DCHS2: variants seen among roughly 807,000 people sequenced by gnomAD.
DCHS2 encodes the protein protocadherin-23.
DCHS2 carries 142 observed loss-of-function variants against 182.4 expected under a neutral mutation model. That is an observed-to-expected ratio of 0.78 (90% CI 0.68 to 0.89). DCHS2 has a LOEUF of 0.89. Among genes scored for constraint, DCHS2 ranks in the 40% least tolerant of loss-of-function variants. The pLI is 0.00. For missense variants in DCHS2, 4,319 were observed against 4,198.6 expected (o/e 1.03, Z -0.79); for synonymous variants, 1,740 against 1,663.3 (o/e 1.05, Z -1.12).
intron 6 of DCHS2, 23 bp downstream of exon 6, chr4:154,329,500 C>A: frequency 6.2e-7 from 1 of 1,602,550 alleles, no homozygotes; most frequent in Non-Finnish European, 8.5e-7. Flanking sequence ...ATTACAAATT[C>A]ATTGCAAGGT....
intron 13 of DCHS2, among the ~76,000 whole-genome samples, chr4:154,273,545 A>G (rs1014251218): frequency 1.3e-5 from 2 of 152,102 alleles, no homozygotes; most frequent in East Asian, 3.9e-4. Flanking sequence ...CTCAGAAATC[A>G]CCACTAAATA....
chr4:154,241,551 G>A (rs1420245478), intron 17 of DCHS2, among the ~76,000 whole-genome samples: 2 of 152,132 alleles, frequency 1.3e-5, no homozygotes, highest in Non-Finnish European at 2.9e-5. Flanking sequence ...ATATGGTACA[G>A]CTAGAAAGAA....
At position 154,381,586 on chromosome 4, in the gene DCHS2, G is replaced by A. The variant is rs367696696; in HGVS notation, c.2053-4142C>T. Among the ~76,000 whole-genome samples, 7 of 152,182 alleles carry A rather than the reference G, an allele frequency of 4.6e-5. No homozygotes were observed. The East Asian group carries it at 1.4e-3, about 29-fold the overall frequency. Reference sequence around the variant, plus strand: ...GGAACTGATAAACAACTTCAGTAAAGTTTCAAGATATGAAATCAATATACA... The same window carrying A: ...GGAACTGATAAACAACTTCAGTAAAATTTCAAGATATGAAATCAATATACA... On this transcript the variant is annotated intron_variant, in intron 1 of 19. Coordinates refer to ENST00000357232, the MANE Select transcript of DCHS2 (RefSeq NM_001358235.2).
In DCHS2 at chr4:154,490,320, C is replaced by G; in HGVS notation, c.1036G>C (p.Gly346Arg). Reference sequence around the variant, plus strand: ...GCCGCGTCGCCCAGTGCCCCGCCGCCGCTACCCGCCCCAGGCACTTGCCGG... The same window carrying G: ...GCCGCGTCGCCCAGTGCCCCGCCGCGGCTACCCGCCCCAGGCACTTGCCGG... ...RARQVPGAGS[G>R]GGALGDAAYF... The change falls in exon 1 of 20, where the codon GGC becomes CGC. Residue 346 changes from glycine to arginine, a missense_variant. By Grantham distance (125) the Gly-to-Arg change is moderately radical. Transcript: ENST00000357232. 1.9e-6 allele frequency: 3 copies of G among 1,544,812 alleles called. No homozygotes were observed. Among genetic ancestry groups the G allele is most frequent in the Non-Finnish European group, 2.6e-6 (3 of 1,146,372 alleles).
chr4:154,314,797 T>G (rs1735794149), intron 10 of DCHS2, among the ~76,000 whole-genome samples: 1 of 152,100 alleles, frequency 6.6e-6, no homozygotes, highest in South Asian at 2.1e-4. Flanking sequence ...ATTATTAAGG[T>G]GAACTAACAC....
Position 154,490,923 on chromosome 4 carries a change from T to C in DCHS2, c.433A>G (p.Thr145Ala). 6.4e-7 allele frequency: 1 copy of C among 1,551,122 alleles called. No homozygotes were observed. Among genetic ancestry groups the C allele is most frequent in the East Asian group, 2.4e-5 (1 of 40,892 alleles). The stretch of plus-strand genomic sequence containing the variant: ...ACCTGCACCACAGCGCCCAGCAGCG[T>C]GGCGGCGACGAAGCTGTAGTGGTCC... ...RRDHYSFVAA[T>A]LLGAVVQVEI... The change falls in exon 1 of 20, where the codon ACG (threonine) becomes GCG (alanine). Residue 145 changes from threonine (T) to alanine (A), a missense_variant. By Grantham distance (58) the Thr-to-Ala change is moderately conservative. Coordinates refer to ENST00000357232, the MANE Select transcript of DCHS2 (RefSeq NM_001358235.2).
rs1038293144 is a variant in DCHS2, at chr4:154,236,302, T to C, written c.8350A>G (p.Ile2784Val). 1.2e-6 allele frequency: 2 copies of C among 1,613,854 alleles called. No homozygotes were observed. Among genetic ancestry groups the C allele is most frequent in the Non-Finnish European group, 1.7e-6 (2 of 1,179,952 alleles). The change falls in exon 20 of 20, where the codon ATT becomes GTT. Residue 2784 changes from isoleucine (I) to valine (V), a missense_variant. Physicochemically the swap from Ile to Val is conservative, Grantham distance 29. Transcript: ENST00000357232. ...TTTATAGAGCATATGGTAGAGGAAA[T>C]AGGCAGATTTTCTGGAACAATACAG... Reference protein sequence around the residue: ...FSCIVPENLPISSTICSINAL... With the variant: ...FSCIVPENLPVSSTICSINAL...
intron 1 of DCHS2, among the ~76,000 whole-genome samples, chr4:154,447,078 G>A (rs1396065269): frequency 6.6e-6 from 1 of 152,022 alleles, no homozygotes; most frequent in Non-Finnish European, 1.5e-5. Context: ...GATTACTTAA[G>A]GTCAGGAGTT....
At chr4:154,352,038 C>T (rs1471402112) in intron 3 of DCHS2, among the ~76,000 whole-genome samples, 1 of 151,952 alleles carries the variant, frequency 6.6e-6, no homozygotes, top group Non-Finnish European at 1.5e-5. Context: ...ACTAACTCCA[C>T]ACACACACAG....
rs185350963 is a variant in DCHS2 at position 154,417,892 on chromosome 4, A to C, written c.2053-40448T>G. 2.6e-5 allele frequency among the ~76,000 whole-genome samples: 4 copies of C among 152,312 alleles called. No individual in the cohort carries two copies. In the East Asian group the frequency reaches 7.7e-4, roughly 29 times the overall value. On this transcript the variant is annotated intron_variant, in intron 1 of 19. Transcript: ENST00000357232. ...CAGAGAACAAACTAAGTTAATTAAA[A>C]TTTCTCAATGTTAAGCTTTTTTTCC...
intron 1 of DCHS2, among the ~76,000 whole-genome samples, chr4:154,454,564 T>C (rs1734684921): frequency 6.6e-6 from 1 of 152,190 alleles, no homozygotes; most frequent in Non-Finnish European, 1.5e-5. Flanking sequence ...CAAATATTAA[T>C]TTTGTTTCGA....
At chr4:154,376,330 A>G (rs973629236) in intron 2 of DCHS2, among the ~76,000 whole-genome samples, 1 of 152,190 alleles carries the variant, frequency 6.6e-6, no homozygotes, top group Non-Finnish European at 1.5e-5. Context: ...AGAACATCAG[A>G]AAGGATAGGG....
At chr4:154,308,226 T>C (rs752153962) in intron 10 of DCHS2, among the ~76,000 whole-genome samples, 88 of 151,206 alleles carry the variant, frequency 5.8e-4, no homozygotes, top group Non-Finnish European at 1.5e-4. Context: ...TTGTCTTCTC[T>C]GTGGCATCAT....
chr4:154,322,206 A>G, intron 8 of DCHS2, 125 bp downstream of exon 8: 2 of 1,328,436 alleles, frequency 1.5e-6, no homozygotes, highest in Non-Finnish European at 2.1e-6. Flanking sequence ...TCAAAATAGT[A>G]TTCATGTAAC....
chr4:154,478,275 AAATGCAAG>A (rs1211311741), intron 1 of DCHS2, among the ~76,000 whole-genome samples: 2 of 152,234 alleles, frequency 1.3e-5, no homozygotes, highest in African/African-American at 4.8e-5. Context: ...ATAGAAATTG[AAATGCAAG>A]AATACAGCGG....
Position 154,236,554 on chromosome 4 carries a change from T to C in DCHS2, c.8098A>G (p.Ile2700Val), listed in dbSNP as rs748804649. ...NDRDTGSHAE[I>V]IYNIISGNEK... Reference sequence around the variant, plus strand: ...TTTCCAGAGATGATGTTGTAGATGATTTCTGCATGTGACCCTGTGTCACGG... The same window carrying C: ...TTTCCAGAGATGATGTTGTAGATGACTTCTGCATGTGACCCTGTGTCACGG... The change falls in exon 20 of 20, where the codon ATC becomes GTC. Residue 2700 changes from isoleucine (I) to valine (V), a missense_variant. Physicochemically the swap from Ile to Val is conservative, Grantham distance 29. Coordinates refer to ENST00000357232, the MANE Select transcript of DCHS2 (RefSeq NM_001358235.2). 42 of 1,613,954 alleles carry C rather than the reference T, an allele frequency of 2.6e-5. No individual in the cohort carries two copies. The highest frequency in any genetic ancestry group is 4.5e-5 in the East Asian group (2 of 44,884).
intron 16 of DCHS2, among the ~76,000 whole-genome samples, chr4:154,252,920 C>T (rs996499807): frequency 6.6e-6 from 1 of 151,890 alleles, no homozygotes; most frequent in South Asian, 2.1e-4. Flanking sequence ...ATACTTTCCT[C>T]GATCAGACAA....
intron 10 of DCHS2, 58 bp downstream of exon 10, chr4:154,315,689 AT>A: frequency 6.3e-7 from 1 of 1,576,144 alleles, no homozygotes; most frequent in Non-Finnish European, 8.6e-7. Context: ...AATTACGTCA[AT>A]TATAATCTTC....
chr4:154,250,788 C>A (rs570546279), intron 16 of DCHS2, among the ~76,000 whole-genome samples: 1 of 152,294 alleles, frequency 6.6e-6, no homozygotes, highest in Admixed American at 6.5e-5. Context: ...GCAGTGCATC[C>A]ATTATGAGGT....
Sources: gnomAD v4.1 joint callset for allele counts (sites outside exome capture counted in the v4.1 genomes callset) on GRCh38, gnomAD v4.1.1 for gene constraint, MANE v1.5 for transcripts, NCBI Gene and HGNC (gene_info 2026-07-23, HGNC 2026-07-21) for gene names.